The following RASAL2 variants were observed in gnomAD, a reference collection of about 807,000 sequenced individuals.
RASAL2 encodes ras GTPase-activating protein nGAP.
RASAL2 carries 58 observed loss-of-function variants against 128.9 expected under a neutral mutation model. That is an observed-to-expected ratio of 0.45 (90% CI 0.36 to 0.56). The LOEUF (loss-of-function observed/expected upper bound fraction) is 0.56, where lower values mean the gene tolerates loss of function less well. Ranked by LOEUF, RASAL2 falls within the 20% of genes least tolerant of loss-of-function variation. RASAL2 has a pLI of 0.00. For synonymous variants in RASAL2, 561 were observed against 580.8 expected, an observed-to-expected ratio of 0.97 and a Z score of 0.49; for missense variants, 1,360 against 1,601.6, an observed-to-expected ratio of 0.85 and a Z score of 2.57.
intron 1 of RASAL2, among the ~76,000 whole-genome samples, chr1:178,281,633 C>T (rs963290264): frequency 6.6e-6 from 1 of 152,214 alleles, no homozygotes; most frequent in Middle Eastern, 3.4e-3. Context: ...TTAGGTCACC[C>T]ATGGCTAACT....
intron 1 of RASAL2, among the ~76,000 whole-genome samples, chr1:178,247,050 G>C (rs1664797089): frequency 6.6e-6 from 1 of 152,140 alleles, no homozygotes; most frequent in Non-Finnish European, 1.5e-5. Context: ...GTCTTGGCCA[G>C]GTTTTGGAAT....
chr1:178,238,133 T>C (rs1490422606), intron 1 of RASAL2, among the ~76,000 whole-genome samples: 1 of 152,244 alleles, frequency 6.6e-6, no homozygotes, highest in Non-Finnish European at 1.5e-5. Flanking sequence ...ATATACTGTC[T>C]CTATAGATTT....
chr1:178,106,654 T>C (rs994873259), intron 1 of RASAL2, among the ~76,000 whole-genome samples: 2 of 152,220 alleles, frequency 1.3e-5, no homozygotes, highest in Non-Finnish European at 2.9e-5. Context: ...TTCCTGTTTT[T>C]GAATCTAGCT....
rs571360640 is a variant in RASAL2, at chr1:178,143,117, C to A, written c.202+48423C>A. Among the ~76,000 whole-genome samples, 3 of 151,822 alleles carry A rather than the reference C, an allele frequency of 2.0e-5. No individual in the cohort carries two copies. The South Asian group carries it at 6.3e-4, about 32-fold the overall frequency. ...AGGAACACATATTCAAACCGTGTCA[C>A]CCACCATTAAATTTTAATATCATAG... On this transcript the variant is annotated intron_variant, in intron 1 of 17. Transcript: ENST00000367649.
intron 1 of RASAL2, among the ~76,000 whole-genome samples, chr1:178,213,094 G>A (rs960067567): frequency 2.6e-5 from 4 of 152,020 alleles, no homozygotes; most frequent in African/African-American, 9.7e-5. Context: ...GGAGTGCAGT[G>A]GTGTGATCTC....
At chr1:178,453,177 C>T (rs751331200) in intron 11 of RASAL2, among the ~76,000 whole-genome samples, 16 of 151,978 alleles carry the variant, frequency 1.1e-4, no homozygotes, top group Non-Finnish European at 2.2e-4. Context: ...ATACTTGAAA[C>T]TTATTTGGAT....
rs1437220069 is a variant in RASAL2, at chr1:178,411,323, C to T, written c.565-9188C>T. 3.9e-5 allele frequency among the ~76,000 whole-genome samples: 6 copies of T among 152,214 alleles called. No individual in the cohort carries two copies. The South Asian group carries it at 1.0e-3, about 26-fold the overall frequency. ...AATGGAAAACCAAATATTGTATGTT[C>T]TCACTTATAAGTGGGAGCTAAGCTG... On this transcript the variant is annotated intron_variant, in intron 4 of 17. Coordinates refer to ENST00000367649, the MANE Select transcript of RASAL2 (RefSeq NM_170692.4).
At chr1:178,393,034 G>A (rs975404150) in intron 4 of RASAL2, among the ~76,000 whole-genome samples, 7 of 152,178 alleles carry the variant, frequency 4.6e-5, no homozygotes, top group Admixed American at 1.3e-4. Context: ...TGTAGGTTAA[G>A]GCAATGTCTT....
chr1:178,321,132 G>A (rs749139153), intron 3 of RASAL2, among the ~76,000 whole-genome samples: 5 of 152,082 alleles, frequency 3.3e-5, no homozygotes, highest in Admixed American at 1.3e-4. Flanking sequence ...CACCCAGGCT[G>A]GAGTGCAGTG....
chr1:178,304,772 A>G (rs1571821057), intron 3 of RASAL2, among the ~76,000 whole-genome samples: 2 of 152,304 alleles, frequency 1.3e-5, no homozygotes, highest in East Asian at 1.9e-4. Context: ...TACCACTCTT[A>G]TTTGTTATAG....
intron 3 of RASAL2, among the ~76,000 whole-genome samples, chr1:178,308,790 C>T (rs1436504417): frequency 6.6e-6 from 1 of 152,028 alleles, no homozygotes; most frequent in South Asian, 2.1e-4. Context: ...AACCCTGGCC[C>T]TTTCTGTTAG....
chr1:178,325,999 G>A (rs1669022630), intron 3 of RASAL2, among the ~76,000 whole-genome samples: 2 of 152,150 alleles, frequency 1.3e-5, no homozygotes, highest in African/African-American at 4.8e-5. Context: ...GCAGAGGTGG[G>A]AGGATCACTT....
intron 1 of RASAL2, among the ~76,000 whole-genome samples, chr1:178,103,844 A>G (rs1239881551): frequency 1.3e-5 from 2 of 152,114 alleles, no homozygotes; most frequent in Non-Finnish European, 1.5e-5. Flanking sequence ...CCTTATGAAG[A>G]AATGATTCTT....
intron 1 of RASAL2, among the ~76,000 whole-genome samples, chr1:178,278,411 T>C (rs1666626019): frequency 6.6e-6 from 1 of 152,142 alleles, no homozygotes; most frequent in African/African-American, 2.4e-5. Context: ...GCCTGAAAAA[T>C]CAGGCTTTTG....
chr1:178,340,080 A>G (rs73035257), intron 3 of RASAL2, among the ~76,000 whole-genome samples: 3,161 of 152,288 alleles, frequency 0.021, 93 homozygotes, highest in African/African-American at 0.069. Context: ...AACTTATCAC[A>G]GTGATTTAGC....
chr1:178,288,235 C>T (rs1219920722), intron 2 of RASAL2, among the ~76,000 whole-genome samples: 1 of 152,160 alleles, frequency 6.6e-6, no homozygotes, highest in Non-Finnish European at 1.5e-5. Context: ...AGCACAGGAG[C>T]TTGAACTACA....
At chr1:178,371,333 C>CACACAAACACACACACACAT (rs1336831677) in intron 3 of RASAL2, among the ~76,000 whole-genome samples, 2 of 133,536 alleles carry the variant, frequency 1.5e-5, no homozygotes, top group Admixed American at 7.5e-5. Flanking sequence ...CACACACACA[C>CACACAAACACACACACACAT]ACACACACAC....
chr1:178,115,586 T>G (rs183970584), intron 1 of RASAL2, among the ~76,000 whole-genome samples: 1 of 152,222 alleles, frequency 6.6e-6, no homozygotes, highest in African/African-American at 2.4e-5. Flanking sequence ...TGAGGAACTC[T>G]GAATAAAGGC....
intron 3 of RASAL2, among the ~76,000 whole-genome samples, chr1:178,301,153 G>T (rs987612918): frequency 6.6e-6 from 1 of 152,088 alleles, no homozygotes; most frequent in Admixed American, 6.6e-5. Flanking sequence ...AATAGTTGTT[G>T]CTTTCCTAGA....
Sources: allele counts gnomAD v4.1 joint callset (sites outside exome capture counted in the v4.1 genomes callset), GRCh38; gene constraint gnomAD v4.1.1; transcripts MANE v1.5; gene names NCBI Gene and HGNC (gene_info 2026-07-23, HGNC 2026-07-21).